Variants in TRIM15 observed in about 807,000 individuals in gnomAD.
TRIM15 encodes the protein tripartite motif containing 15.
In TRIM15, 35 loss-of-function variants were observed where a neutral mutation model predicts 35.8. The observed-to-expected ratio is 0.98, with a 90% confidence interval of 0.75 to 1.30. The LOEUF is 1.30. Ranked by LOEUF, TRIM15 falls within the 50% of genes most tolerant of loss-of-function variation. The pLI is 0.00. For missense variants in TRIM15, 590 were observed against 593.5 expected (o/e 0.99, Z 0.06); for synonymous variants, 252 against 249.8 (o/e 1.01, Z -0.08).
In TRIM15 at chr6:30,167,191, C is replaced by G. The variant is rs756240134; in HGVS notation, c.397C>G (p.Arg133Gly). ...CTCCCCACAGGATCGTCTCAGGAGT[C>G]GACTGGAAGCTCTGAGCACGGAGAG... The part of the protein sequence containing the change: ...IQPYRDRLRS[R>G]LEALSTERDE... Residue 133 changes from arginine (R) to glycine (G), a missense_variant, in exon 2 of 7, where the codon CGA becomes GGA. Arg to Gly is a moderately radical substitution (Grantham distance 125, BLOSUM62 -2). Coordinates refer to ENST00000376694, the MANE Select transcript of TRIM15 (RefSeq NM_033229.3). 1.2e-6 allele frequency: 2 copies of G among 1,612,874 alleles called. No homozygotes were observed. Among genetic ancestry groups the G allele is most frequent in the African/African-American group, 1.3e-5 (1 of 74,902 alleles).
chr6:30,168,700 T>C (rs760755048), intron 3 of TRIM15, 170 bp downstream of exon 3: 1 of 677,128 alleles, frequency 1.5e-6, no homozygotes, highest in Non-Finnish European at 2.6e-6. Flanking sequence ...GTGGTCATGT[T>C]AAGGGGTTTA....
intron 4 of TRIM15, chr6:30,169,737 C>G: frequency 5.6e-6 from 2 of 356,716 alleles, no homozygotes; most frequent in South Asian, 4.5e-5. Flanking sequence ...AAAAGGACAG[C>G]CACCAGGAGC....
In TRIM15 at chr6:30,164,044, C is replaced by A; in HGVS notation, c.360C>A (p.Asp120Glu). The change falls in exon 1 of 7, where the codon GAC becomes GAA. Residue 120 changes from aspartate to glutamate, a missense_variant. Physicochemically the swap from Asp to Glu is conservative, Grantham distance 45 (BLOSUM62 2). Transcript: ENST00000376694. Reference sequence around the variant, plus strand: ...AGGCGCACACCGTGGGGTTCCTGGACGAGGCCATTCAGCCCTACCGGGTAA... The same window carrying A: ...AGGCGCACACCGTGGGGTTCCTGGAAGAGGCCATTCAGCCCTACCGGGTAA... ...THQAHTVGFL[D>E]EAIQPYRDRL... The A allele has an allele frequency of 6.2e-7, 1 of 1,612,284 alleles. No individual in the cohort carries two copies. Among genetic ancestry groups the A allele is most frequent in the Non-Finnish European group, 8.5e-7 (1 of 1,179,506 alleles).
At chr6:30,168,706 G>C (rs116592453) in intron 3 of TRIM15, 176 bp downstream of exon 3, 13,646 of 657,616 alleles carry the variant, frequency 0.021, 260 homozygotes, top group African/African-American at 0.051. Context: ...ATGTTAAGGG[G>C]TTTAGGGTCA....
chr6:30,169,334 T>C (rs114362922), intron 4 of TRIM15, 71 bp downstream of exon 4: 25,971 of 1,576,576 alleles, frequency 0.016, 365 homozygotes, highest in African/African-American at 0.051. Flanking sequence ...GCAGGGGCAC[T>C]TACTGCCACC....
In TRIM15 at chr6:30,163,677, G is replaced by A. The variant is rs1405614421; in HGVS notation, c.-8G>A. Reference sequence around the variant, plus strand: ...GACCGGAGTGGACGGGCTGGGGAAGGCACCGTGATGCCCGCAACCCCGTCC... The same window carrying A: ...GACCGGAGTGGACGGGCTGGGGAAGACACCGTGATGCCCGCAACCCCGTCC... On this transcript the variant is annotated 5_prime_UTR_variant, in exon 1 of 7. Coordinates refer to ENST00000376694, the MANE Select transcript of TRIM15 (RefSeq NM_033229.3). 2 of 1,594,830 alleles carry A rather than the reference G, an allele frequency of 1.3e-6. No homozygotes were observed. The highest frequency in any genetic ancestry group is 2.3e-5 in the South Asian group (2 of 88,050).
intron 3 of TRIM15, 29 bp from the exon 4 acceptor site, chr6:30,169,212 A>C (rs1773838975): frequency 1.2e-6 from 2 of 1,613,034 alleles, no homozygotes; most frequent in Admixed American, 1.7e-5. Flanking sequence ...TATGGAAACT[A>C]AATGTATGTT....
Position 30,172,513 on chromosome 6 carries a change from C to G in TRIM15, c.*164C>G. The G allele has an allele frequency of 9.7e-7, 1 of 1,025,764 alleles. No individual in the cohort carries two copies. The highest frequency in any genetic ancestry group is 1.4e-6 in the Non-Finnish European group (1 of 702,068). The allele number at this position is 1,025,764 out of a possible 1,614,324, so 63.5% of individuals were successfully genotyped here. A position where few individuals can be genotyped will look rare whatever the true frequency, so the allele number is the denominator to read the frequency against. On this transcript the variant is annotated 3_prime_UTR_variant, in exon 7 of 7. Coordinates refer to ENST00000376694, the MANE Select transcript of TRIM15 (RefSeq NM_033229.3). ...TTGTTTTTACTTTATTTATCTTAGG[C>G]CCTCAGCTCCCTGACGTCCTGAGCC...
intron 2 of TRIM15, among the ~76,000 whole-genome samples, chr6:30,167,672 C>T (rs182288539): frequency 3.7e-4 from 57 of 152,274 alleles, no homozygotes; most frequent in African/African-American, 1.3e-3. Context: ...ATGTTAGTGT[C>T]GGGATTCTAG....
intron 1 of TRIM15, among the ~76,000 whole-genome samples, chr6:30,164,588 T>C (rs1284783772): frequency 6.6e-6 from 1 of 152,088 alleles, no homozygotes; most frequent in African/African-American, 2.4e-5. Flanking sequence ...CTCTCAGATC[T>C]CTCTCTTGTC....
chr6:30,166,723 T>C (rs1211535706), intron 1 of TRIM15, among the ~76,000 whole-genome samples: 1 of 152,222 alleles, frequency 6.6e-6, no homozygotes, highest in African/African-American at 2.4e-5. Context: ...ATATTGATTC[T>C]TCCTATCCAT....
rs1409445473 is a variant in TRIM15 at position 30,171,978 on chromosome 6, G to A, written c.1027G>A (p.Gly343Ser). 6.3e-7 allele frequency: 1 copy of A among 1,588,164 alleles called. No individual in the cohort carries two copies. The highest frequency in any genetic ancestry group is 8.6e-7 in the Non-Finnish European group (1 of 1,167,004). Reference sequence around the variant, plus strand: ...CCTCCCGGCGGTTCTGGGCTTCCCGGGCTTCTCCTCCGGGCGCCACCGCTG... The same window carrying A: ...CCTCCCGGCGGTTCTGGGCTTCCCGAGCTTCTCCTCCGGGCGCCACCGCTG... ...DGLPAVLGFP[G>S]FSSGRHRWQV... is the part of the protein sequence containing the mutation. Residue 343 changes from glycine to serine, a missense_variant, in exon 7 of 7, where the codon GGC becomes AGC. Transcript: ENST00000376694.
Position 30,163,625 on chromosome 6 carries a change from G to A in TRIM15, c.-60G>A, listed in dbSNP as rs1773319165. 6.5e-7 allele frequency: 1 copy of A among 1,528,924 alleles called. No individual in the cohort carries two copies. Among genetic ancestry groups the A allele is most frequent in the Non-Finnish European group, 8.8e-7 (1 of 1,138,276 alleles). 94.7% of individuals were successfully genotyped at this position (1,528,924 alleles called of 1,614,324 possible). A position where few individuals can be genotyped will look rare whatever the true frequency, so the allele number is the denominator to read the frequency against. On this transcript the variant is annotated 5_prime_UTR_variant, in exon 1 of 7. Coordinates refer to ENST00000376694, the MANE Select transcript of TRIM15 (RefSeq NM_033229.3). The stretch of plus-strand genomic sequence containing the variant: ...TCATGTAAGTGTGACTCGATTTCAG[G>A]GAAAGGGAACTCGCGTGGGCTGAGG...
rs1213416572 is a variant in TRIM15 at position 30,168,432 on chromosome 6, G to A, written c.610G>A (p.Glu204Lys). Reference sequence around the variant, plus strand: ...GCAGCAGATTTGGAAGGAGAGGGATGAATATATCACAAAGGTCTCTGAGGA... The same window carrying A: ...GCAGCAGATTTGGAAGGAGAGGGATAAATATATCACAAAGGTCTCTGAGGA... ...LEQQIWKERD[E>K]YITKVSEEVT... Residue 204 changes from glutamate (E) to lysine (K), a missense_variant, in exon 3 of 7, where the codon GAA becomes AAA. Glu to Lys is a moderately conservative substitution (Grantham distance 56). Transcript: ENST00000376694. 16 of 1,612,496 alleles carry A rather than the reference G, an allele frequency of 9.9e-6. No homozygotes were observed. The highest frequency in any genetic ancestry group is 1.3e-5 in the Non-Finnish European group (15 of 1,179,810).
At chr6:30,168,808 C>A (rs1773808475) in intron 3 of TRIM15, among the ~76,000 whole-genome samples, 1 of 152,304 alleles carries the variant, frequency 6.6e-6, no homozygotes, top group Middle Eastern at 3.4e-3. Flanking sequence ...AATAGCACCT[C>A]CCTCATAAAG....
At chr6:30,169,432 G>A (rs929157) in intron 4 of TRIM15, 169 bp downstream of exon 4, 79,491 of 764,964 alleles carry the variant, frequency 0.1, 5,340 homozygotes, top group Non-Finnish European at 0.14. Context: ...AAAGATTTGC[G>A]TTCTAAAGGT....
rs140385648 is a variant in TRIM15, at chr6:30,167,232, T to A, written c.438T>A (p.Asp146Glu). 2,402 of 1,613,078 alleles carry A rather than the reference T, an allele frequency of 1.5e-3. 6 individuals carry two copies. The highest frequency in any genetic ancestry group is 4.0e-3 in the Middle Eastern group (24 of 6,062). The change falls in exon 2 of 7, where the codon GAT (aspartate) becomes GAA (glutamate). Residue 146 changes from aspartate to glutamate, a missense_variant. By Grantham distance (45) the Asp-to-Glu change is conservative. Coordinates refer to ENST00000376694, the MANE Select transcript of TRIM15 (RefSeq NM_033229.3). ...GCACGGAGAGAGATGAGATTGAGGA[T>A]GTAAAGTGTCAAGAAGACCAGAAGC... ...ALSTERDEIE[D>E]VKCQEDQKLQ...
chr6:30,166,332 T>C (rs1179817406), intron 1 of TRIM15, among the ~76,000 whole-genome samples: 1 of 152,222 alleles, frequency 6.6e-6, no homozygotes, highest in Non-Finnish European at 1.5e-5. Context: ...GGCTAGCCAG[T>C]TTTCCCAACA....
intron 1 of TRIM15, 113 bp from the exon 2 acceptor site, chr6:30,167,063 T>TA: frequency 4.6e-6 from 4 of 871,400 alleles, no homozygotes; most frequent in Non-Finnish European, 7.3e-6. Flanking sequence ...ACTGGGCCTT[T>TA]TCCACCTTTG....
Sources: gnomAD v4.1 joint callset for allele counts (sites outside exome capture counted in the v4.1 genomes callset) on GRCh38, gnomAD v4.1.1 for gene constraint, MANE v1.5 for transcripts, NCBI Gene and HGNC (gene_info 2026-07-23, HGNC 2026-07-21) for gene names.